The following ITGB2 variants were observed in gnomAD, a reference collection of about 807,000 sequenced individuals.
ITGB2 encodes integrin subunit beta 2, also known as integrin beta-2.
In ITGB2, 56 loss-of-function variants were observed where a neutral mutation model predicts 86.8. The observed-to-expected ratio is 0.65, with a 90% CI of 0.52 to 0.81. The LOEUF is 0.81. Among genes scored for constraint, ITGB2 ranks in the 30% least tolerant of loss-of-function variants. The pLI is 0.00. For synonymous variants in ITGB2, 457 were observed against 450.4 expected, an observed-to-expected ratio of 1.01 and a Z score of -0.19; for missense variants, 948 against 1,061.2, an observed-to-expected ratio of 0.89 and a Z score of 1.48.
At chr21:44,923,132 T>C (rs2084330210), upstream of ITGB2, 1 of 152,126 alleles carries the variant, frequency 6.6e-6, no homozygotes, top group Non-Finnish European at 1.5e-5. Context: ...GGTCGAACTT[T>C]TTAGATCTAC....
rs369283897 is a variant in ITGB2 at position 44,888,748 on chromosome 21, C to T, written c.2025G>A (p.Thr675=). Residue 675 remains threonine, a synonymous_variant, in exon 14 of 16, where the codon ACG becomes ACA. Coordinates refer to ENST00000652462, the MANE Select transcript of ITGB2 (RefSeq NM_000211.5). ...RDSEGCWVAY[T]LEQQDGMDRY... ...GGTCCATCCCGTCCTGCTGCTCCAG[C>T]GTGTAGGCCACCCAGCAGCCCTCTG... The T allele has an allele frequency of 8.5e-5, 137 of 1,611,564 alleles. No homozygotes were observed. Among genetic ancestry groups the T allele is most frequent in the African/African-American group, 6.3e-4 (47 of 74,944 alleles).
At chr21:44,896,183 C>T (rs1057384218) in intron 8 of ITGB2, among the ~76,000 whole-genome samples, 4 of 152,214 alleles carry the variant, frequency 2.6e-5, no homozygotes, top group Non-Finnish European at 5.9e-5. Context: ...CGCAATATCA[C>T]TGGGTTGGGA....
upstream of ITGB2, among the ~76,000 whole-genome samples, chr21:44,921,713 T>C (rs1176233766): frequency 6.6e-6 from 1 of 152,158 alleles, no homozygotes; most frequent in Non-Finnish European, 1.5e-5. Flanking sequence ...ATTTATTTAT[T>C]TATTTTTATG....
At chr21:44,911,969 G>T (rs2084140953) in intron 1 of ITGB2, among the ~76,000 whole-genome samples, 1 of 152,266 alleles carries the variant, frequency 6.6e-6, no homozygotes. Context: ...ATTATAGCTG[G>T]CTGGGACCCT....
chr21:44,893,920 C>T (rs2083826242), intron 9 of ITGB2: 2 of 337,310 alleles, frequency 5.9e-6, no homozygotes, highest in Admixed American at 7.8e-5. Context: ...ATGGGCAGAG[C>T]CAGAGCCAGA....
chr21:44,902,876 T>A (rs1412986388), intron 5 of ITGB2, among the ~76,000 whole-genome samples: 2 of 152,202 alleles, frequency 1.3e-5, no homozygotes, highest in African/African-American at 4.8e-5. Flanking sequence ...AGTGCCGATG[T>A]GAGAAGCCAC....
In ITGB2 at chr21:44,889,382, T is replaced by C; in HGVS notation, c.1771A>G (p.Ser591Gly). The change falls in exon 13 of 16, where the codon AGT (serine) becomes GGT (glycine). Residue 591 changes from serine (S) to glycine (G), a missense_variant. By Grantham distance (56) the Ser-to-Gly change is moderately conservative. Transcript: ENST00000652462. ...GCLNPRRVECSGRGRCRCNVC... is the reference protein window; with the variant it reads ...GCLNPRRVECGGRGRCRCNVC... ...TTGCAGCGGCACCGGCCACGACCAC[T>C]ACACTCAACACGCCGCGGGTTCAGG... The C allele has an allele frequency of 6.2e-7, 1 of 1,612,810 alleles. No homozygotes were observed. The highest frequency in any genetic ancestry group is 8.5e-7 in the Non-Finnish European group (1 of 1,179,848).
chr21:44,889,218 G>A (rs1361900439), intron 13 of ITGB2, 58 bp downstream of exon 13: 3 of 1,540,876 alleles, frequency 1.9e-6, no homozygotes, highest in Admixed American at 1.7e-5. Flanking sequence ...CCGGCTGCTG[G>A]GTAGGTGGCC....
At chr21:44,916,212 C>T (rs373527710) in intron 1 of ITGB2, among the ~76,000 whole-genome samples, 11 of 152,098 alleles carry the variant, frequency 7.2e-5, no homozygotes, top group Admixed American at 4.6e-4. Flanking sequence ...TGAGCCACTG[C>T]GCCCGGCCTG....
rs201512257 is a variant in ITGB2, at chr21:44,907,113, G to C, written c.148-18C>G. ...GTGAAGTTCTGGGGAGGGGGAGTCA[G>C]GGGTCAGGAGGGGGCCACACTGCGG... On this transcript the variant is annotated intron_variant, in intron 3 of 15. Coordinates refer to ENST00000652462, the MANE Select transcript of ITGB2 (RefSeq NM_000211.5). 32 of 1,568,924 alleles carry C rather than the reference G, an allele frequency of 2.0e-5. No individual in the cohort carries two copies. Among genetic ancestry groups the C allele is most frequent in the Non-Finnish European group, 2.6e-5 (30 of 1,151,998 alleles).
chr21:44,912,756 C>G (rs576324174), intron 1 of ITGB2, among the ~76,000 whole-genome samples: 1 of 152,226 alleles, frequency 6.6e-6, no homozygotes, highest in African/African-American at 2.4e-5. Context: ...CTCAGCTGAT[C>G]GGAGGCCCTG....
chr21:44,894,318 G>A (rs2083832238), intron 9 of ITGB2: 1 of 163,874 alleles, frequency 6.1e-6, no homozygotes. Flanking sequence ...CAGGACCTTT[G>A]GCCTAGAAGG....
chr21:44,917,345 A>G (rs1421449828), intron 1 of ITGB2, among the ~76,000 whole-genome samples: 1 of 152,106 alleles, frequency 6.6e-6, no homozygotes, highest in Admixed American at 6.5e-5. Context: ...AATATTCTGC[A>G]TTTCTCTGGG....
Position 44,903,488 on chromosome 21 carries a change from G to A in ITGB2, c.376C>T (p.Pro126Ser). Residue 126 changes from proline (P) to serine (S), a missense_variant, in exon 5 of 16, where the codon CCC becomes TCC. Transcript: ENST00000652462. ...NVTFRRAKGY[P>S]IDLYYLMDLS... ...TCCATCAGATAGTACAGGTCGATGG[G>A]GTAGCCCTTGGCCCGCCGGAAGGTC... is the stretch of plus-strand genomic sequence containing the variant. The A allele has an allele frequency of 6.2e-7, 1 of 1,614,038 alleles. No homozygotes were observed. Among genetic ancestry groups the A allele is most frequent in the Non-Finnish European group, 8.5e-7 (1 of 1,179,952 alleles).
upstream of ITGB2, among the ~76,000 whole-genome samples, chr21:44,921,717 T>A (rs960512762): frequency 5.3e-5 from 8 of 152,148 alleles, no homozygotes; most frequent in African/African-American, 1.9e-4. Flanking sequence ...ATTTATTTAT[T>A]TTTATGTTTT....
At position 44,927,451 on chromosome 21, in the gene ITGB2, C is replaced by A. The variant is rs951179627; in HGVS notation, c.-4+1203G>T. 2.6e-5 allele frequency among the ~76,000 whole-genome samples: 4 copies of A among 152,166 alleles called. No individual in the cohort carries two copies. The South Asian group carries it at 8.3e-4, about 32-fold the overall frequency. ...CCTTCCTGCCTGGAGAGCACCCCCA[C>A]GAGGACCCTGGGGCCACCCGGGAAC... On this transcript the variant is annotated intron_variant, in intron 1 of 15. Transcript: ENST00000355153.
At chr21:44,921,033 G>A (rs1601339562), upstream of ITGB2, 2 of 152,304 alleles carry the variant, frequency 1.3e-5, no homozygotes, top group East Asian at 3.8e-4. Flanking sequence ...CAGCAGCTCT[G>A]ATGTCAGAGA....
chr21:44,920,326 C>T (rs555468161), intron 1 of ITGB2, among the ~76,000 whole-genome samples: 7 of 152,280 alleles, frequency 4.6e-5, no homozygotes, highest in East Asian at 1.9e-4. Context: ...CTACACACCA[C>T]GAACCACACC....
At position 44,892,559 on chromosome 21, in the gene ITGB2, C is replaced by T. The variant is rs373093515; in HGVS notation, c.1225-563G>A. Among the ~76,000 whole-genome samples, 82 of 142,136 alleles carry T rather than the reference C, an allele frequency of 5.8e-4. No homozygotes were observed. The South Asian group carries it at 0.017, about 30-fold the overall frequency. The allele number at this position is 142,136 out of a possible 152,430, so 93.2% of individuals were successfully genotyped here. A position where few individuals can be genotyped will look rare whatever the true frequency, so the allele number is the denominator to read the frequency against. ...CACTTGGATTGTAGTGAGCCAAGAT[C>T]GCACCAGTGCACTCCAGCCTGGGCG... On this transcript the variant is annotated intron_variant, in intron 10 of 15. Coordinates refer to ENST00000652462, the MANE Select transcript of ITGB2 (RefSeq NM_000211.5).
Sources: gnomAD v4.1 joint callset for allele counts (sites outside exome capture counted in the v4.1 genomes callset) on GRCh38, gnomAD v4.1.1 for gene constraint, MANE v1.5 for transcripts, NCBI Gene and HGNC (gene_info 2026-07-23, HGNC 2026-07-21) for gene names.